Variants in RALGAPB observed in about 807,000 individuals in gnomAD.
The protein encoded by RALGAPB is Ral GTPase activating protein non-catalytic subunit beta.
In RALGAPB, 25 loss-of-function variants were observed where a neutral mutation model predicts 161.1. That is an observed-to-expected ratio of 0.16 (90% CI 0.11 to 0.22). The LOEUF is 0.22. Ranked by LOEUF, RALGAPB falls within the 10% of genes least tolerant of loss-of-function variation. RALGAPB has a pLI of 1.00. For synonymous variants in RALGAPB, 629 were observed against 626.1 expected, an observed-to-expected ratio of 1.00 and a Z score of -0.07; for missense variants, 1,391 against 1,815.2, an observed-to-expected ratio of 0.77 and a Z score of 4.25.
chr20:38,534,940 C>G, intron 15 of RALGAPB, 134 bp from the exon 16 acceptor site: 1 of 1,069,610 alleles, frequency 9.3e-7, no homozygotes, highest in Non-Finnish European at 1.4e-6. Context: ...GGGTGGGGAG[C>G]GTAGCACTGT....
rs773149952 is a variant in RALGAPB, at chr20:38,562,556, A to G, written c.3556A>G (p.Arg1186Gly). The change falls in exon 24 of 30, where the codon AGA becomes GGA. Residue 1186 changes from arginine to glycine, a missense_variant. Arg to Gly is a moderately radical substitution (Grantham distance 125, BLOSUM62 -2). This residue lies in a region of RALGAPB where 436 missense variants were observed against 527.0 expected (regional missense o/e 0.83). Coordinates refer to ENST00000262879, the MANE Select transcript of RALGAPB (RefSeq NM_020336.4). ...GATTTTAAAGAATGTGGAGTCTTCC[A>G]GAACTGTTCAGCCACATTTCCTAGA... ...QEILKNVESS[R>G]TVQPHFLEFL... 17 of 1,612,212 alleles carry G rather than the reference A, an allele frequency of 1.1e-5. No homozygotes were observed. The highest frequency in any genetic ancestry group is 1.4e-5 in the Non-Finnish European group (17 of 1,178,750).
chr20:38,532,279 G>C (rs1475537841), intron 14 of RALGAPB, among the ~76,000 whole-genome samples: 1 of 152,116 alleles, frequency 6.6e-6, no homozygotes, highest in African/African-American at 2.4e-5. Context: ...GGATGGTCTC[G>C]ATCTCCTGAC....
intron 11 of RALGAPB, 149 bp from the exon 12 acceptor site, chr20:38,525,255 A>G: frequency 1.5e-6 from 1 of 667,978 alleles, no homozygotes; most frequent in Non-Finnish European, 2.6e-6. Flanking sequence ...ATCAACTTCT[A>G]GTTTAATTCA....
intron 6 of RALGAPB, among the ~76,000 whole-genome samples, chr20:38,511,307 T>C (rs1250682756): frequency 6.6e-6 from 1 of 152,086 alleles, no homozygotes; most frequent in Non-Finnish European, 1.5e-5. Flanking sequence ...ATATCTGATA[T>C]TGAGTCTGCC....
chr20:38,548,872 C>T (rs2087263455), intron 20 of RALGAPB, 77 bp downstream of exon 20: 5 of 1,218,856 alleles, frequency 4.1e-6, no homozygotes, highest in African/African-American at 1.5e-5. Flanking sequence ...ACAGAAGACA[C>T]AGATCAAATA....
intron 10 of RALGAPB, among the ~76,000 whole-genome samples, chr20:38,524,475 G>C (rs1454750101): frequency 7.2e-6 from 1 of 139,636 alleles, no homozygotes; most frequent in Non-Finnish European, 1.6e-5. Flanking sequence ...GGTTTGAGAA[G>C]GTGCAACAGA....
At chr20:38,487,923 G>A (rs191686804) in intron 1 of RALGAPB, among the ~76,000 whole-genome samples, 10 of 152,154 alleles carry the variant, frequency 6.6e-5, no homozygotes, top group African/African-American at 1.2e-4. Context: ...AAAATTAGTC[G>A]GGCATGGTGG....
chr20:38,473,892 C>G (rs754121354), intron 1 of RALGAPB, among the ~76,000 whole-genome samples: 14 of 152,046 alleles, frequency 9.2e-5, no homozygotes, highest in Non-Finnish European at 1.5e-4. Context: ...GTTTGGGAAC[C>G]GCATGTAATT....
intron 23 of RALGAPB, among the ~76,000 whole-genome samples, chr20:38,561,896 C>A (rs184409327): frequency 6.6e-6 from 1 of 152,162 alleles, no homozygotes; most frequent in African/African-American, 2.4e-5. Context: ...GCAAAATCAC[C>A]CCTAGATGAG....
intron 20 of RALGAPB, 144 bp downstream of exon 20, chr20:38,548,939 A>G (rs1475069140): frequency 3.0e-6 from 2 of 655,806 alleles, no homozygotes; most frequent in Non-Finnish European, 5.3e-6. Flanking sequence ...AGAATCATCT[A>G]GGAACCTAGA....
Position 38,576,410 on chromosome 20 carries a change from C to A in RALGAPB, c.*1443C>A, listed in dbSNP as rs6070658. The A allele has an allele frequency of 1.3e-5, 2 of 152,544 alleles. No individual in the cohort carries two copies. Among genetic ancestry groups the A allele is most frequent in the Non-Finnish European group, 2.9e-5 (2 of 68,036 alleles). 9.4% of individuals were successfully genotyped at this position (152,544 alleles called of 1,614,324 possible). On this transcript the variant is annotated 3_prime_UTR_variant, in exon 30 of 30. Coordinates refer to ENST00000262879, the MANE Select transcript of RALGAPB (RefSeq NM_020336.4). ...TTACGGAGTGGGGATAGTGTGAGAC[C>A]TAATTCCCTGTGCAAATGTCTCTTA...
chr20:38,513,324 T>C (rs1325186556), intron 6 of RALGAPB, among the ~76,000 whole-genome samples: 1 of 151,994 alleles, frequency 6.6e-6, no homozygotes, highest in Non-Finnish European at 1.5e-5. Flanking sequence ...GCCAACATGG[T>C]GAAACCCTGT....
chr20:38,525,018 T>C, intron 11 of RALGAPB, 73 bp downstream of exon 11: 1 of 1,379,578 alleles, frequency 7.2e-7, no homozygotes, highest in Non-Finnish European at 1.0e-6. Context: ...CTCCCCAGTT[T>C]CCTAATGTAT....
chr20:38,520,024 G>T (rs548728104), intron 9 of RALGAPB, among the ~76,000 whole-genome samples: 7 of 152,032 alleles, frequency 4.6e-5, no homozygotes, highest in African/African-American at 7.2e-5. Flanking sequence ...AATTTTCTTC[G>T]TTCATTGTTT....
chr20:38,564,962 T>TCTCTCTCTCTCTCTCTGC (rs2087939312), intron 24 of RALGAPB, among the ~76,000 whole-genome samples: 1 of 143,438 alleles, frequency 7.0e-6, no homozygotes, highest in African/African-American at 2.5e-5. Flanking sequence ...TCTCTCTCTG[T>TCTCTCTCTCTCTCTCTGC]CTCTCTCTCT....
chr20:38,525,021 T>C, intron 11 of RALGAPB, 76 bp downstream of exon 11: 1 of 1,386,954 alleles, frequency 7.2e-7, no homozygotes, highest in Non-Finnish European at 1.0e-6. Flanking sequence ...CCCAGTTTCC[T>C]AATGTATCCT....
rs770547272 is a variant in RALGAPB, at chr20:38,532,713, C to A, written c.2116-17C>A. ...ACTGTGATGTAATCCTCACTTGATT[C>A]ATTTTCATTTGACTAGGGTGGTGGA... On this transcript the variant is annotated splice_polypyrimidine_tract_variant and intron_variant, in intron 14 of 29. Coordinates refer to ENST00000262879, the MANE Select transcript of RALGAPB (RefSeq NM_020336.4). 1.2e-6 allele frequency: 2 copies of A among 1,611,590 alleles called. No individual in the cohort carries two copies. Among genetic ancestry groups the A allele is most frequent in the South Asian group, 1.1e-5 (1 of 90,978 alleles).
At position 38,574,268 on chromosome 20, in the gene RALGAPB, G is replaced by A; in HGVS notation, c.4261G>A (p.Asp1421Asn). The A allele has an allele frequency of 6.2e-7, 1 of 1,613,092 alleles. No individual in the cohort carries two copies. Among genetic ancestry groups the A allele is most frequent in the African/African-American group, 1.3e-5 (1 of 74,932 alleles). The part of the protein sequence containing the change: ...GKFNMVIPLV[D>N]GMIVSRRALG... ...ATTTAATATGGTCATCCCTCTTGTG[G>A]ATGGGATGATTGTCAGCAGGCGAGC... Residue 1421 changes from aspartate (D) to asparagine (N), a missense_variant, in exon 29 of 30, where the codon GAT becomes AAT. Asp to Asn is a conservative substitution (Grantham distance 23). Coordinates refer to ENST00000262879, the MANE Select transcript of RALGAPB (RefSeq NM_020336.4).
chr20:38,486,414 A>C (rs1600832104), intron 1 of RALGAPB, among the ~76,000 whole-genome samples: 1 of 152,222 alleles, frequency 6.6e-6, no homozygotes, highest in African/African-American at 2.4e-5. Flanking sequence ...ATAGCTATTA[A>C]ACCTATTTTG....
Sources: allele counts gnomAD v4.1 joint callset (sites outside exome capture counted in the v4.1 genomes callset), GRCh38; gene constraint gnomAD v4.1.1; regional missense constraint gnomAD v4.1.1; transcripts MANE v1.5; gene names NCBI Gene and HGNC (gene_info 2026-07-23, HGNC 2026-07-21).